Variants in NYAP2 observed in about 807,000 individuals in gnomAD.
The protein encoded by NYAP2 is neuronal tyrosine-phosphorylated phosphoinositide-3-kinase adaptor 2.
NYAP2 carries 23 observed loss-of-function variants against 50.4 expected under a neutral mutation model. That is an observed-to-expected ratio of 0.46 (90% CI 0.33 to 0.65). The LOEUF (loss-of-function observed/expected upper bound fraction) is 0.65, where lower values mean the gene tolerates loss of function less well. NYAP2 is among the 30% of genes least tolerant of loss of function. NYAP2 has a pLI of 0.02. For synonymous variants in NYAP2, 394 were observed against 365.2 expected (o/e 1.08, Z -0.90); for missense variants, 885 against 861.0 (o/e 1.03, Z -0.35).
chr2:225,587,449 GA>G (rs1279922630), intron 5 of NYAP2, among the ~76,000 whole-genome samples: 11 of 152,184 alleles, frequency 7.2e-5, no homozygotes, highest in Non-Finnish European at 2.9e-5. Flanking sequence ...GCCCGGGGCA[GA>G]AGGGCATGTG....
intron 4 of NYAP2, among the ~76,000 whole-genome samples, chr2:225,573,978 C>G (rs1692124772): frequency 6.6e-6 from 1 of 152,082 alleles, no homozygotes; most frequent in Admixed American, 6.5e-5. Context: ...TTGAGGGTGG[C>G]TATCTTGAAA....
chr2:225,404,650 C>A (rs1574596703), intron 2 of NYAP2, among the ~76,000 whole-genome samples: 1 of 151,886 alleles, frequency 6.6e-6, no homozygotes, highest in Non-Finnish European at 1.5e-5. Flanking sequence ...CAGTATTATA[C>A]AAAGTGATCT....
intron 5 of NYAP2, among the ~76,000 whole-genome samples, chr2:225,610,911 A>G (rs1692870359): frequency 1.3e-5 from 2 of 152,218 alleles, no homozygotes; most frequent in South Asian, 4.1e-4. Flanking sequence ...AAGCCTTTTC[A>G]AAAGTTATTT....
chr2:225,567,574 T>C (rs974756996), intron 4 of NYAP2, among the ~76,000 whole-genome samples: 1 of 151,566 alleles, frequency 6.6e-6, no homozygotes, highest in Non-Finnish European at 1.5e-5. Flanking sequence ...AATGAGGAAG[T>C]TCACAAGAAA....
chr2:225,604,627 C>A (rs1692752817), intron 5 of NYAP2, among the ~76,000 whole-genome samples: 1 of 151,596 alleles, frequency 6.6e-6, no homozygotes, highest in African/African-American at 2.4e-5. Flanking sequence ...TAACTAACTC[C>A]ATTTACAATG....
At chr2:225,429,924 G>A (rs1185006458) in intron 3 of NYAP2, among the ~76,000 whole-genome samples, 1 of 152,132 alleles carries the variant, frequency 6.6e-6, no homozygotes, top group East Asian at 1.9e-4. Context: ...AGAGCTTCAC[G>A]GGCTCTTAAG....
intron 4 of NYAP2, among the ~76,000 whole-genome samples, chr2:225,530,601 A>G (rs1691237944): frequency 6.6e-6 from 1 of 152,094 alleles, no homozygotes; most frequent in South Asian, 2.1e-4. Flanking sequence ...CCTGATTCTT[A>G]AATGATGTCT....
At chr2:225,463,362 G>C (rs1451750876) in intron 3 of NYAP2, among the ~76,000 whole-genome samples, 3 of 152,242 alleles carry the variant, frequency 2.0e-5, no homozygotes, top group African/African-American at 7.2e-5. Flanking sequence ...AATTGAATAG[G>C]TGATCAGTCA....
At chr2:225,667,208 T>G in the NYAP2 span, among the ~76,000 whole-genome samples, 258 of 152,268 alleles carry the variant, frequency 1.7e-3, 2 homozygotes, top group African/African-American at 6.0e-3. Flanking sequence ...TGCTTGAGTT[T>G]GAAGATGGTT....
At position 225,582,675 on chromosome 2, in the gene NYAP2, C is replaced by T. The variant is rs769163693; in HGVS notation, c.1258C>T (p.Leu420=). 8.1e-6 allele frequency: 13 copies of T among 1,601,030 alleles called. No homozygotes were observed. The East Asian group carries it at 2.7e-4, about 33-fold the overall frequency. The change falls in exon 5 of 7, where the codon CTG becomes TTG. Residue 420 remains leucine (L), a synonymous_variant. Transcript: ENST00000636099. The surrounding 1 kb of genome is among the most constrained non-coding windows in gnomAD (Gnocchi z 7.0). ...CTCGTCGCCCCCACCCCCGTCTACG[C>T]TGTACCGAACCCAGTCTCCCCATGG...
At chr2:225,441,201 A>G (rs1220193151) in intron 3 of NYAP2, among the ~76,000 whole-genome samples, 5 of 152,226 alleles carry the variant, frequency 3.3e-5, no homozygotes, top group Non-Finnish European at 5.9e-5. Context: ...ATCCCTCTAC[A>G]GAACTAATAC....
intron 3 of NYAP2, among the ~76,000 whole-genome samples, chr2:225,489,893 G>A (rs866570714): frequency 6.6e-6 from 1 of 152,120 alleles, no homozygotes; most frequent in African/African-American, 2.4e-5. Context: ...AGCTCCCCGG[G>A]GTGGATCCAA....
intron 4 of NYAP2, among the ~76,000 whole-genome samples, chr2:225,526,209 T>C (rs1287394634): frequency 6.6e-6 from 1 of 152,218 alleles, no homozygotes; most frequent in Non-Finnish European, 1.5e-5. Context: ...AGTAAAGGTA[T>C]TGATTTTTAA....
chr2:225,452,921 C>T (rs143078469), intron 3 of NYAP2, among the ~76,000 whole-genome samples: 275 of 152,208 alleles, frequency 1.8e-3, no homozygotes, highest in African/African-American at 6.2e-3. Flanking sequence ...ATGCCTGTTT[C>T]AATGGAATTC....
chr2:225,700,716 T>C, the NYAP2 span: 1 of 151,968 alleles, frequency 6.6e-6, no homozygotes, highest in Admixed American at 6.6e-5. Flanking sequence ...CTCAGTATGG[T>C]GATGATTAAC....
chr2:225,648,409 T>A (rs1181413302), intron 6 of NYAP2, among the ~76,000 whole-genome samples: 1 of 152,074 alleles, frequency 6.6e-6, no homozygotes, highest in Non-Finnish European at 1.5e-5. Flanking sequence ...TTCATGATAA[T>A]AAATATGGAA....
intron 3 of NYAP2, among the ~76,000 whole-genome samples, chr2:225,425,667 T>C (rs142054171): frequency 5.9e-5 from 9 of 152,322 alleles, no homozygotes; most frequent in Non-Finnish European, 1.2e-4. Context: ...TCTTTTTCCC[T>C]GTGGTAGGAT....
intron 5 of NYAP2, among the ~76,000 whole-genome samples, chr2:225,613,732 T>A (rs916516286): frequency 1.3e-5 from 2 of 152,178 alleles, no homozygotes; most frequent in East Asian, 1.9e-4. Flanking sequence ...TAACTTTTTT[T>A]AATAATAGGC....
chr2:225,612,821 G>GACATCACACCCAATGTGTGTGATC (rs1692921408), intron 5 of NYAP2, among the ~76,000 whole-genome samples: 1 of 62,690 alleles, frequency 1.6e-5, no homozygotes, highest in Admixed American at 1.3e-4. Flanking sequence ...TGTGTGTGAT[G>GACATCACACCCAATGTGTGTGATC]ACATCACACC....
Sources: gnomAD v4.1 joint callset for allele counts (sites outside exome capture counted in the v4.1 genomes callset) on GRCh38, gnomAD v4.1.1 for gene constraint, Gnocchi (gnomAD v3.1) non-coding constraint, MANE v1.5 for transcripts, NCBI Gene and HGNC (gene_info 2026-07-23, HGNC 2026-07-21) for gene names.